The following CSMD3 variants were observed in gnomAD, a reference collection of about 807,000 sequenced individuals.
CSMD3 encodes the protein CUB and sushi domain-containing protein 3.
CSMD3 carries 177 observed loss-of-function variants against 435.2 expected under a neutral mutation model. That is an observed-to-expected ratio of 0.41 (90% CI 0.36 to 0.46). CSMD3 has a LOEUF of 0.46. Among genes scored for constraint, CSMD3 ranks in the 20% least tolerant of loss-of-function variants. The pLI is 0.34. For synonymous variants in CSMD3, 1,656 were observed against 1,520.5 expected, an observed-to-expected ratio of 1.09 and a Z score of -2.07; for missense variants, 4,265 against 4,504.6, an observed-to-expected ratio of 0.95 and a Z score of 1.52.
intron 13 of CSMD3, among the ~76,000 whole-genome samples, chr8:112,720,938 A>G (rs1182787107): frequency 6.6e-6 from 1 of 152,206 alleles, no homozygotes; most frequent in East Asian, 1.9e-4. Flanking sequence ...ATGTATCCTC[A>G]TCTCCCAATT....
At chr8:113,195,839 A>ACC (rs1554804877) in intron 3 of CSMD3, among the ~76,000 whole-genome samples, 6 of 144,570 alleles carry the variant, frequency 4.2e-5, no homozygotes, top group East Asian at 2.0e-4. Flanking sequence ...ACACACACAC[A>ACC]CCCCCACACA....
At chr8:113,097,613 T>C (rs1336661350) in intron 5 of CSMD3, among the ~76,000 whole-genome samples, 2 of 152,090 alleles carry the variant, frequency 1.3e-5, no homozygotes, top group Admixed American at 6.6e-5. Context: ...AATACCAGTG[T>C]TGTGCTTCTA....
intron 3 of CSMD3, among the ~76,000 whole-genome samples, chr8:113,244,128 T>C (rs993264779): frequency 2.0e-5 from 3 of 152,172 alleles, no homozygotes; most frequent in African/African-American, 7.2e-5. Context: ...TTCTTTTTGG[T>C]ATTCTTTGTA....
At chr8:112,321,410 T>C (rs1342961421) in intron 45 of CSMD3, among the ~76,000 whole-genome samples, 2 of 152,110 alleles carry the variant, frequency 1.3e-5, no homozygotes, top group East Asian at 1.9e-4. Flanking sequence ...AAGACTCCTA[T>C]AGTAGGAAAA....
At chr8:112,424,980 G>A (rs551756789) in intron 32 of CSMD3, among the ~76,000 whole-genome samples, 8 of 152,266 alleles carry the variant, frequency 5.3e-5, no homozygotes, top group African/African-American at 1.7e-4. Flanking sequence ...ATGAGCCACC[G>A]CGCTTGACCT....
At chr8:112,340,356 G>A (rs1001308558) in intron 42 of CSMD3, among the ~76,000 whole-genome samples, 1 of 152,138 alleles carries the variant, frequency 6.6e-6, no homozygotes, top group African/African-American at 2.4e-5. Context: ...CTTACATTAT[G>A]CACGCAAGTA....
intron 3 of CSMD3, among the ~76,000 whole-genome samples, chr8:113,217,408 G>A (rs938849864): frequency 2.0e-5 from 3 of 151,304 alleles, no homozygotes; most frequent in African/African-American, 7.3e-5. Flanking sequence ...ACAAGTATTG[G>A]AATTAATAGA....
At chr8:112,994,435 A>G (rs935783936) in intron 6 of CSMD3, among the ~76,000 whole-genome samples, 14 of 151,668 alleles carry the variant, frequency 9.2e-5, no homozygotes, top group Non-Finnish European at 1.5e-4. Flanking sequence ...ACACAATAAG[A>G]AAGAAGATAT....
intron 10 of CSMD3, among the ~76,000 whole-genome samples, chr8:112,874,817 A>C (rs1198146229): frequency 6.6e-6 from 1 of 152,034 alleles, no homozygotes; most frequent in Non-Finnish European, 1.5e-5. Context: ...ATATCTTTGC[A>C]CTTGAGATGA....
chr8:112,871,405 G>A (rs2081131315), intron 10 of CSMD3, among the ~76,000 whole-genome samples: 1 of 152,068 alleles, frequency 6.6e-6, no homozygotes, highest in South Asian at 2.1e-4. Flanking sequence ...CAATTGAAAA[G>A]CATTTGAGGC....
intron 23 of CSMD3, among the ~76,000 whole-genome samples, chr8:112,582,822 TG>T (rs1830432736): frequency 6.6e-6 from 1 of 151,972 alleles, no homozygotes; most frequent in South Asian, 2.1e-4. Flanking sequence ...TAAGTGCCCT[TG>T]TAAAAGATAC....
At chr8:113,030,430 A>AG (rs2087051859) in intron 5 of CSMD3, among the ~76,000 whole-genome samples, 3 of 149,114 alleles carry the variant, frequency 2.0e-5, no homozygotes, top group African/African-American at 2.4e-5. Context: ...AAAAAAAAAA[A>AG]AAAAAAAAAA....
chr8:112,782,389 T>A (rs2078412927), intron 13 of CSMD3, among the ~76,000 whole-genome samples: 2 of 150,188 alleles, frequency 1.3e-5, no homozygotes, highest in South Asian at 2.1e-4. Flanking sequence ...AAACACAGAG[T>A]CAGAGCAGAC....
chr8:112,291,347 T>C (rs1220901329), intron 56 of CSMD3, among the ~76,000 whole-genome samples, 163 bp downstream of exon 56: 1 of 151,918 alleles, frequency 6.6e-6, no homozygotes, highest in Non-Finnish European at 1.5e-5. Context: ...CATTTGGACA[T>C]TGAATTTGCA....
intron 19 of CSMD3, among the ~76,000 whole-genome samples, chr8:112,647,546 T>G (rs908128591): frequency 1.3e-5 from 2 of 152,108 alleles, no homozygotes; most frequent in Admixed American, 1.3e-4. Flanking sequence ...GATCTCATGA[T>G]CCTCCCGCCT....
intron 1 of CSMD3, among the ~76,000 whole-genome samples, chr8:113,386,499 C>T (rs2094439772): frequency 6.6e-6 from 1 of 151,824 alleles, no homozygotes; most frequent in South Asian, 2.1e-4. Context: ...ATTTAGTCAT[C>T]CCTGCACTCT....
chr8:113,115,575 C>G (rs932920965), intron 4 of CSMD3, among the ~76,000 whole-genome samples: 1 of 152,198 alleles, frequency 6.6e-6, no homozygotes, highest in African/African-American at 2.4e-5. Context: ...AGTCTGGCTT[C>G]TTTCAATCCG....
At chr8:112,662,872 C>G (rs577690212) in intron 17 of CSMD3, among the ~76,000 whole-genome samples, 1 of 152,218 alleles carries the variant, frequency 6.6e-6, no homozygotes, top group Non-Finnish European at 1.5e-5. Flanking sequence ...AGGATATGAA[C>G]AGACACTTCT....
chr8:113,400,625 T>C (rs903101893), intron 1 of CSMD3, among the ~76,000 whole-genome samples: 2 of 151,878 alleles, frequency 1.3e-5, no homozygotes, highest in African/African-American at 4.8e-5. Context: ...GAGATGTGAA[T>C]GGATTGGATA....
Sources: gnomAD v4.1 joint callset for allele counts (sites outside exome capture counted in the v4.1 genomes callset) on GRCh38, gnomAD v4.1.1 for gene constraint, MANE v1.5 for transcripts, NCBI Gene and HGNC (gene_info 2026-07-23, HGNC 2026-07-21) for gene names.